COL4A3: variants seen among roughly 807,000 people sequenced by gnomAD.
The protein encoded by COL4A3 is collagen alpha-3(IV) chain.
A neutral mutation model predicts 217.4 loss-of-function variants in COL4A3; 135 were observed. The ratio of observed to expected loss-of-function variants is 0.62; its 90% CI spans 0.54 to 0.72. The LOEUF is 0.72. COL4A3 is among the 30% of genes least tolerant of loss of function. The pLI is 0.00. For missense variants in COL4A3, 1,868 were observed against 2,119.9 expected, an observed-to-expected ratio of 0.88 and a Z score of 2.33; for synonymous variants, 690 against 736.3, an observed-to-expected ratio of 0.94 and a Z score of 1.02.
In COL4A3 at chr2:227,253,099, C is replaced by G. The variant is rs2125930764; in HGVS notation, c.646-197C>G. 6.6e-6 allele frequency among the ~76,000 whole-genome samples: 1 copy of G among 152,184 alleles called. No individual in the cohort carries two copies. The highest frequency in any genetic ancestry group is 1.9e-4 in the East Asian group (1 of 5,192). ...TGCCATGTTAGGTAAATCCCTTAAG[C>G]TTTCTGCACCTTAAGAGCTCCTCCT... On this transcript the variant is annotated intron_variant, in intron 11 of 51. Transcript: ENST00000396578. This position sits in a 1 kb window ranked among gnomAD's most constrained non-coding sequence, Gnocchi z 4.4.
intron 48 of COL4A3, 43 bp downstream of exon 48, chr2:227,307,962 C>G (rs1480900605): frequency 6.4e-7 from 1 of 1,553,288 alleles, no homozygotes; most frequent in East Asian, 2.2e-5. Flanking sequence ...GTTCCACATG[C>G]AGATTGTAAA....
Position 227,282,301 on chromosome 2 carries a change from T to TATATATA in COL4A3, c.2489-64_2489-63insATATATA, listed in dbSNP as rs1193172222. Reference sequence around the variant, plus strand: ...ATATATATATATATATATATATATATTTCTGAAGTTAGTAGGGGAAAGCAT... The same window carrying TATATATA: ...ATATATATATATATATATATATATATATATATATTCTGAAGTTAGTAGGGGAAAGCAT... On this transcript the variant is annotated intron_variant, in intron 31 of 51. Transcript: ENST00000396578. This position sits in a 1 kb window ranked among gnomAD's most constrained non-coding sequence, Gnocchi z 4.4. 8.0e-6 allele frequency: 7 copies of TATATATA among 869,850 alleles called. No homozygotes were observed. The highest frequency in any genetic ancestry group is 1.8e-5 in the African/African-American group (1 of 55,478). The allele number at this position is 869,850 out of a possible 1,614,324, so 53.9% of individuals were successfully genotyped here. A position where few individuals can be genotyped will look rare whatever the true frequency, so the allele number is the denominator to read the frequency against.
At chr2:227,190,106 T>G (rs2066175379) in intron 1 of COL4A3, among the ~76,000 whole-genome samples, 1 of 152,234 alleles carries the variant, frequency 6.6e-6, no homozygotes, top group African/African-American at 2.4e-5. Flanking sequence ...TCCCCTGCAT[T>G]CAGCACATTC....
At chr2:227,248,281 A>C (rs1225363767) in intron 8 of COL4A3, 162 bp from the exon 9 acceptor site, 1 of 669,544 alleles carries the variant, frequency 1.5e-6, no homozygotes. Flanking sequence ...AAATGCTTTG[A>C]ATTCTTCATA....
intron 1 of COL4A3, among the ~76,000 whole-genome samples, chr2:227,225,710 T>C (rs1168524241): frequency 2.6e-5 from 1 of 37,762 alleles, no homozygotes; most frequent in South Asian, 7.4e-4. Flanking sequence ...TTTTTCTTTC[T>C]TTTTTTTTTT....
At chr2:227,201,562 C>T (rs181536656) in intron 1 of COL4A3, among the ~76,000 whole-genome samples, 1 of 152,268 alleles carries the variant, frequency 6.6e-6, no homozygotes, top group East Asian at 1.9e-4. Context: ...TCCAGTTGAC[C>T]TTATTTCAAT....
intron 38 of COL4A3, 47 bp downstream of exon 38, chr2:227,293,364 G>C (rs2072869737): frequency 6.3e-7 from 1 of 1,597,322 alleles, no homozygotes; most frequent in African/African-American, 1.3e-5. Context: ...ATTACTCAGA[G>C]TATAGCCCTC....
chr2:227,205,391 A>G (rs891449092), intron 1 of COL4A3, among the ~76,000 whole-genome samples: 3 of 152,128 alleles, frequency 2.0e-5, no homozygotes, highest in Admixed American at 6.5e-5. Flanking sequence ...CAGATTGCCA[A>G]TCTCTGCAAG....
At chr2:227,280,800 G>A in intron 30 of COL4A3, 93 bp from the exon 31 acceptor site, 1 of 1,094,374 alleles carries the variant, frequency 9.1e-7, no homozygotes, top group East Asian at 2.6e-5. Context: ...TCTGATTTAG[G>A]TGGAAAAAAA....
chr2:227,199,031 G>A (rs898424126), intron 1 of COL4A3, among the ~76,000 whole-genome samples: 1 of 152,102 alleles, frequency 6.6e-6, no homozygotes, highest in Non-Finnish European at 1.5e-5. Flanking sequence ...CAAGGGACGT[G>A]GGACTTATTT....
intron 11 of COL4A3, 32 bp downstream of exon 11, chr2:227,251,403 G>C: frequency 6.2e-7 from 1 of 1,606,774 alleles, no homozygotes; most frequent in Non-Finnish European, 8.5e-7. Context: ...GTAACAGCTA[G>C]CACACCCTAC....
At chr2:227,184,754 G>A (rs558269737) in intron 1 of COL4A3, among the ~76,000 whole-genome samples, 18 of 151,988 alleles carry the variant, frequency 1.2e-4, no homozygotes, top group East Asian at 1.2e-3. Flanking sequence ...GTTCATACCC[G>A]AACCAGATAA....
At chr2:227,204,015 G>T (rs190662184) in intron 1 of COL4A3, among the ~76,000 whole-genome samples, 51 of 152,050 alleles carry the variant, frequency 3.4e-4, no homozygotes, top group African/African-American at 1.2e-3. Context: ...AGAACCTGAG[G>T]ATGCAGAAGT....
chr2:227,298,613 C>T (rs1008455171), intron 42 of COL4A3, 69 bp from the exon 43 acceptor site: 17 of 1,601,028 alleles, frequency 1.1e-5, no homozygotes, highest in Non-Finnish European at 1.4e-5. Flanking sequence ...TCATTAGAAA[C>T]AATCACTGAT....
At chr2:227,174,592 C>T (rs2065608238) in intron 1 of COL4A3, among the ~76,000 whole-genome samples, 1 of 152,036 alleles carries the variant, frequency 6.6e-6, no homozygotes, top group Admixed American at 6.5e-5. Context: ...CTGCAAGCTC[C>T]ACCTCCCAGG....
intron 38 of COL4A3, among the ~76,000 whole-genome samples, 172 bp downstream of exon 38, chr2:227,293,489 T>C (rs925103002): frequency 1.3e-5 from 2 of 152,204 alleles, no homozygotes; most frequent in African/African-American, 4.8e-5. Context: ...GAGAGCCCAA[T>C]TTTACTAATC....
chr2:227,173,735 A>C (rs2065575737), intron 1 of COL4A3, among the ~76,000 whole-genome samples: 1 of 152,262 alleles, frequency 6.6e-6, no homozygotes. Context: ...TATTTATACC[A>C]ATACATCTGT....
intron 29 of COL4A3, among the ~76,000 whole-genome samples, chr2:227,280,130 CAG>C (rs2071863220): frequency 6.6e-6 from 1 of 152,126 alleles, no homozygotes; most frequent in Non-Finnish European, 1.5e-5. Context: ...CATAAATAAT[CAG>C]AGTATTTAAA....
chr2:227,280,550 C>T lies in COL4A3; in HGVS notation c.2334C>T (p.Leu778=). The T allele has an allele frequency of 6.2e-7, 1 of 1,613,690 alleles. No individual in the cohort carries two copies. Among genetic ancestry groups the T allele is most frequent in the South Asian group, 1.1e-5 (1 of 91,074 alleles). Residue 778 remains leucine (L), a synonymous_variant, in exon 30 of 52, where the codon CTC becomes CTT. Transcript: ENST00000396578. ...GEIGLPGLPG[L]PGTPGNEGLD... is the part of the protein sequence containing the mutation. ...TTGGACTCCCTGGACTTCCAGGTCT[C>T]CCTGGAACTCCAGGAAATGAAGGGC...
Sources: allele counts gnomAD v4.1 joint callset (sites outside exome capture counted in the v4.1 genomes callset), GRCh38; gene constraint gnomAD v4.1.1; non-coding constraint Gnocchi (gnomAD v3.1); transcripts MANE v1.5; gene names NCBI Gene and HGNC (gene_info 2026-07-23, HGNC 2026-07-21).